ARHGAP18: variants seen among roughly 807,000 people sequenced by gnomAD.
ARHGAP18 encodes rho GTPase-activating protein 18.
In ARHGAP18, 67 loss-of-function variants were observed where a neutral mutation model predicts 86.2. That is an observed-to-expected ratio of 0.78 (90% confidence interval 0.64 to 0.95). The LOEUF (loss-of-function observed/expected upper bound fraction) is 0.95. Among genes scored for constraint, ARHGAP18 ranks in the 40% least tolerant of loss-of-function variants. ARHGAP18 has a pLI of 0.00. For missense variants in ARHGAP18, 691 were observed against 780.4 expected (o/e 0.89, Z 1.37); for synonymous variants, 283 against 280.4 (o/e 1.01, Z -0.09).
chr6:129,660,205 C>T (rs1773923706), intron 1 of ARHGAP18, among the ~76,000 whole-genome samples: 1 of 152,186 alleles, frequency 6.6e-6, no homozygotes, highest in Non-Finnish European at 1.5e-5. Flanking sequence ...ATGTCACTAT[C>T]AAATTCCTGT....
At chr6:129,675,849 A>G (rs1004142966) in intron 1 of ARHGAP18, among the ~76,000 whole-genome samples, 4 of 152,092 alleles carry the variant, frequency 2.6e-5, no homozygotes, top group Non-Finnish European at 5.9e-5. Flanking sequence ...TCCTACACCA[A>G]GTTTAGCCAA....
intron 1 of ARHGAP18, among the ~76,000 whole-genome samples, chr6:129,695,530 A>G (rs1249592311): frequency 6.6e-6 from 1 of 152,218 alleles, no homozygotes; most frequent in Non-Finnish European, 1.5e-5. Flanking sequence ...TTCAAGCCTC[A>G]GGCTTCAAGC....
chr6:129,687,011 A>C, intron 1 of ARHGAP18, among the ~76,000 whole-genome samples: 1 of 129,668 alleles, frequency 7.7e-6, no homozygotes, highest in African/African-American at 3.0e-5. Context: ...TTTTGTAGAG[A>C]CGAGGTTTCA....
intron 12 of ARHGAP18, among the ~76,000 whole-genome samples, chr6:129,587,423 A>G (rs893038205): frequency 6.6e-6 from 1 of 152,216 alleles, no homozygotes; most frequent in Non-Finnish European, 1.5e-5. Context: ...TTTCCCCTCC[A>G]ACACATCTCA....
intron 8 of ARHGAP18, among the ~76,000 whole-genome samples, chr6:129,609,484 C>T (rs1327883557): frequency 3.9e-5 from 6 of 152,088 alleles, no homozygotes; most frequent in Non-Finnish European, 8.8e-5. Context: ...TGTGAGCTGG[C>T]CATTGCAGTC....
intron 12 of ARHGAP18, among the ~76,000 whole-genome samples, chr6:129,587,630 G>A (rs774705966): frequency 6.6e-6 from 1 of 152,100 alleles, no homozygotes; most frequent in African/African-American, 2.4e-5. Flanking sequence ...AGGGGGAAAA[G>A]CCCCTTATAA....
At chr6:129,679,629 G>A (rs1370767583) in intron 1 of ARHGAP18, among the ~76,000 whole-genome samples, 1 of 152,202 alleles carries the variant, frequency 6.6e-6, no homozygotes, top group Non-Finnish European at 1.5e-5. Flanking sequence ...AGCCTGGCTT[G>A]TAGTAAAAGC....
At chr6:129,621,162 A>G (rs769749136) in intron 5 of ARHGAP18, among the ~76,000 whole-genome samples, 1 of 152,188 alleles carries the variant, frequency 6.6e-6, no homozygotes, top group African/African-American at 2.4e-5. Context: ...TATAACCCAC[A>G]TAAACAGAAG....
chr6:129,655,285 C>T (rs1773802727), intron 1 of ARHGAP18, among the ~76,000 whole-genome samples: 1 of 133,022 alleles, frequency 7.5e-6, no homozygotes, highest in South Asian at 2.4e-4. Context: ...TGCCATTGCA[C>T]TCCAGCCTGG....
chr6:129,625,847 ATATAT>A (rs1174261353), intron 5 of ARHGAP18, among the ~76,000 whole-genome samples: 12 of 84,598 alleles, frequency 1.4e-4, no homozygotes, highest in Non-Finnish European at 2.3e-4. Context: ...TTTATATATT[ATATAT>A]TATATTTATA....
intron 1 of ARHGAP18, among the ~76,000 whole-genome samples, chr6:129,657,081 T>C (rs1773853598): frequency 1.3e-5 from 2 of 152,240 alleles, no homozygotes. Context: ...TCAGATTGGC[T>C]CTTACTCTGC....
At chr6:129,589,741 C>T (rs1000805439) in intron 12 of ARHGAP18, among the ~76,000 whole-genome samples, 8 of 152,152 alleles carry the variant, frequency 5.3e-5, no homozygotes, top group African/African-American at 9.7e-5. Context: ...AAGGACAGAA[C>T]TCATAGCATA....
chr6:129,609,929 C>A (rs575890657), intron 8 of ARHGAP18, among the ~76,000 whole-genome samples: 1 of 152,300 alleles, frequency 6.6e-6, no homozygotes, highest in East Asian at 1.9e-4. Context: ...AAGAGTAATT[C>A]CAATCCTGGC....
intron 1 of ARHGAP18, among the ~76,000 whole-genome samples, chr6:129,669,211 G>A (rs958293927): frequency 2.7e-5 from 4 of 149,030 alleles, no homozygotes; most frequent in African/African-American, 7.5e-5. Flanking sequence ...TCGCTCTCTC[G>A]CCCAGGCTGG....
chr6:129,658,883 T>G (rs189514503), intron 1 of ARHGAP18, among the ~76,000 whole-genome samples: 95 of 152,314 alleles, frequency 6.2e-4, no homozygotes, highest in Non-Finnish European at 7.9e-4. Context: ...TGGGAAACCT[T>G]CCGGAGGTGC....
At chr6:129,639,904 G>T (rs1294130793) in intron 2 of ARHGAP18, among the ~76,000 whole-genome samples, 1 of 151,840 alleles carries the variant, frequency 6.6e-6, no homozygotes, top group Non-Finnish European at 1.5e-5. Flanking sequence ...AATTAGCTGG[G>T]CATGGTAGTA....
chr6:129,585,447 A>G (rs1199098921), intron 12 of ARHGAP18, among the ~76,000 whole-genome samples: 1 of 152,232 alleles, frequency 6.6e-6, no homozygotes, highest in East Asian at 1.9e-4. Flanking sequence ...ATTGCTTCTC[A>G]GTAATATCAG....
At chr6:129,640,799 A>G (rs1319808624) in intron 2 of ARHGAP18, among the ~76,000 whole-genome samples, 1 of 152,228 alleles carries the variant, frequency 6.6e-6, no homozygotes, top group Non-Finnish European at 1.5e-5. Context: ...TTTGGCATTT[A>G]TACATCAACT....
chr6:129,584,112 C>G lies in ARHGAP18; in HGVS notation c.1714G>C (p.Ala572Pro), dbSNP rs1210625615. Residue 572 changes from alanine (A) to proline (P), a missense_variant and splice_region_variant, in exon 13 of 15, where the codon GCT (alanine) becomes CCT (proline). Coordinates refer to ENST00000368149, the MANE Select transcript of ARHGAP18 (RefSeq NM_033515.3). ...CGAATCACTCCCTGAGGAACGTCAGCCTGCAAAGCAATAATGACACTGGAA... is the reference window on the plus strand; with the variant it reads ...CGAATCACTCCCTGAGGAACGTCAGGCTGCAAAGCAATAATGACACTGGAA... ...YEKQDKSTND[A>P]DVPQGVIRVQ... The G allele has an allele frequency of 1.9e-6, 3 of 1,613,338 alleles. No individual in the cohort carries two copies. The Admixed American group carries it at 5.0e-5, about 27-fold the overall frequency.
Sources: allele counts gnomAD v4.1 joint callset (sites outside exome capture counted in the v4.1 genomes callset), GRCh38; gene constraint gnomAD v4.1.1; transcripts MANE v1.5; gene names NCBI Gene and HGNC (gene_info 2026-07-23, HGNC 2026-07-21).